CHODL: variants seen among roughly 807,000 people sequenced by gnomAD.
CHODL encodes the protein chondrolectin.
In CHODL, 29 loss-of-function variants were observed where a neutral mutation model predicts 34.5. The ratio of observed to expected loss-of-function variants is 0.84; its 90% CI spans 0.63 to 1.15. The LOEUF (loss-of-function observed/expected upper bound fraction) is 1.15. Ranked by LOEUF, CHODL falls within the 50% of genes most tolerant of loss-of-function variation. The probability of loss-of-function intolerance (pLI) is 0.00; values close to 1 mark genes in which losing one functional copy is unlikely to be tolerated. For synonymous variants in CHODL, 125 were observed against 116.1 expected (o/e 1.08, Z -0.49); for missense variants, 332 against 332.5 (o/e 1.00, Z 0.01).
At chr21:18,118,576 G>A (rs904783953) in intron 2 of CHODL, among the ~76,000 whole-genome samples, 4 of 152,096 alleles carry the variant, frequency 2.6e-5, no homozygotes, top group African/African-American at 9.7e-5. Context: ...GTTAACAAAT[G>A]CATCTTAAAT....
At chr21:18,007,175 GT>G (rs143093166) in intron 1 of CHODL, among the ~76,000 whole-genome samples, 6 of 152,328 alleles carry the variant, frequency 3.9e-5, no homozygotes, top group Non-Finnish European at 5.9e-5. Context: ...TTATTATGCA[GT>G]TGTCTGAAGG....
chr21:17,988,102 A>G (rs2146383971), intron 1 of CHODL, among the ~76,000 whole-genome samples: 1 of 152,322 alleles, frequency 6.6e-6, no homozygotes, highest in South Asian at 2.1e-4. Context: ...TATTGGCACA[A>G]CATAGAGGAT....
chr21:17,946,345 C>CG (rs2063409219), intron 1 of CHODL, among the ~76,000 whole-genome samples: 1 of 151,974 alleles, frequency 6.6e-6, no homozygotes, highest in African/African-American at 2.4e-5. Context: ...CGTGAACCCC[C>CG]GGGGGCGGAG....
intron 1 of CHODL, among the ~76,000 whole-genome samples, chr21:17,983,587 G>A (rs1372901686): frequency 6.6e-6 from 1 of 152,034 alleles, no homozygotes; most frequent in African/African-American, 2.4e-5. Context: ...TCAAAACATA[G>A]TATCTTAATT....
chr21:18,176,550 A>C (rs1305560921), intron 2 of CHODL, among the ~76,000 whole-genome samples: 1 of 152,198 alleles, frequency 6.6e-6, no homozygotes, highest in East Asian at 1.9e-4. Context: ...AAATACAATT[A>C]ATTCCTTCAG....
At chr21:18,122,630 C>G (rs900322103) in intron 2 of CHODL, among the ~76,000 whole-genome samples, 1 of 151,916 alleles carries the variant, frequency 6.6e-6, no homozygotes, top group Admixed American at 6.6e-5. Flanking sequence ...GTAACATCAC[C>G]AAAGAATAGA....
intron 2 of CHODL, among the ~76,000 whole-genome samples, chr21:18,225,591 G>A (rs929057876): frequency 6.6e-6 from 1 of 152,060 alleles, no homozygotes; most frequent in Non-Finnish European, 1.5e-5. Context: ...AAAGCATGTT[G>A]TGAACTTTTA....
chr21:18,060,399 G>A (rs923886523), intron 2 of CHODL, among the ~76,000 whole-genome samples: 3 of 151,860 alleles, frequency 2.0e-5, no homozygotes, highest in African/African-American at 2.4e-5. Context: ...GCAGCGAGCC[G>A]TGTTTGCACC....
intron 2 of CHODL, among the ~76,000 whole-genome samples, chr21:18,108,728 A>G (rs1001188224): frequency 1.3e-5 from 2 of 152,144 alleles, no homozygotes; most frequent in Admixed American, 6.5e-5. Flanking sequence ...TAGATAATAG[A>G]AAAAGAATTA....
At chr21:18,253,039 T>A in intron 1 of CHODL, among the ~76,000 whole-genome samples, 1 of 152,182 alleles carries the variant, frequency 6.6e-6, no homozygotes, top group East Asian at 1.9e-4. Flanking sequence ...TATATCTGTA[T>A]GAACTAACAT....
chr21:18,233,216 A>G (rs2073999258), intron 2 of CHODL, among the ~76,000 whole-genome samples: 1 of 151,878 alleles, frequency 6.6e-6, no homozygotes, highest in Middle Eastern at 3.4e-3. Flanking sequence ...GTGAGAACAT[A>G]TGGTTTTTGT....
At chr21:18,123,660 C>T (rs1045094448) in intron 2 of CHODL, among the ~76,000 whole-genome samples, 1 of 151,950 alleles carries the variant, frequency 6.6e-6, no homozygotes, top group African/African-American at 2.4e-5. Context: ...TAACCTGCTC[C>T]GTAAATAATG....
intron 2 of CHODL, among the ~76,000 whole-genome samples, chr21:18,127,925 A>G (rs779819697): frequency 2.1e-4 from 32 of 152,132 alleles, no homozygotes; most frequent in African/African-American, 6.3e-4. Flanking sequence ...GAGAGGAGAC[A>G]GAGAAAGTGG....
At chr21:18,240,685 A>G (rs774942875), upstream of CHODL, among the ~76,000 whole-genome samples, 3 of 152,198 alleles carry the variant, frequency 2.0e-5, no homozygotes, top group Non-Finnish European at 2.9e-5. Context: ...TTTATACCAG[A>G]TTACCAGCAA....
intron 2 of CHODL, among the ~76,000 whole-genome samples, chr21:18,035,939 C>G (rs2064303907): frequency 6.6e-6 from 1 of 151,974 alleles, no homozygotes; most frequent in Admixed American, 6.6e-5. Context: ...ATTTCTTTCT[C>G]TTCATCCCAC....
intron 1 of CHODL, among the ~76,000 whole-genome samples, chr21:18,006,729 G>A (rs13049303): frequency 0.34 from 52,408 of 152,092 alleles, 10,342 homozygotes; most frequent in African/African-American, 0.55. Context: ...AATATCTTTT[G>A]AAGAGATTTC....
At chr21:17,971,449 C>T (rs1162303843) in intron 1 of CHODL, among the ~76,000 whole-genome samples, 1 of 152,170 alleles carries the variant, frequency 6.6e-6, no homozygotes, top group African/African-American at 2.4e-5. Context: ...GACGTTATCT[C>T]ATTGTGGTTT....
chr21:18,024,183 C>T (rs1258769599), intron 1 of CHODL, among the ~76,000 whole-genome samples: 2 of 152,016 alleles, frequency 1.3e-5, no homozygotes, highest in African/African-American at 2.4e-5. Flanking sequence ...TAGTTGCTAA[C>T]GAGGAGATTC....
intron 1 of CHODL, among the ~76,000 whole-genome samples, chr21:17,996,319 T>G (rs1286574077): frequency 6.6e-6 from 1 of 152,120 alleles, no homozygotes; most frequent in Non-Finnish European, 1.5e-5. Flanking sequence ...GAAGAAAAAC[T>G]AAATAATAAT....
Sources: gnomAD v4.1 joint callset for allele counts (sites outside exome capture counted in the v4.1 genomes callset) on GRCh38, gnomAD v4.1.1 for gene constraint, MANE v1.5 for transcripts, NCBI Gene and HGNC (gene_info 2026-07-23, HGNC 2026-07-21) for gene names.